EIF2B3: variants seen among roughly 807,000 people sequenced by gnomAD.
EIF2B3 encodes translation initiation factor eIF2B subunit gamma.
Under a neutral mutation model 54.1 loss-of-function variants are expected in EIF2B3, and 20 were observed. The observed-to-expected ratio is 0.37, with a 90% CI of 0.26 to 0.54. The LOEUF (loss-of-function observed/expected upper bound fraction) is 0.54. Among genes scored for constraint, EIF2B3 ranks in the 20% least tolerant of loss-of-function variants. The pLI is 0.86. For missense variants in EIF2B3, 448 were observed against 547.8 expected (o/e 0.82, Z 1.82); for synonymous variants, 153 against 188.1 (o/e 0.81, Z 1.52).
At chr1:44,960,521 C>T (rs427392) in intron 3 of EIF2B3, among the ~76,000 whole-genome samples, 28,522 of 151,890 alleles carry the variant, frequency 0.19, 2,831 homozygotes, top group African/African-American at 0.23. Context: ...CGCCTGTAGT[C>T]CCAGCTACTC....
intron 6 of EIF2B3, among the ~76,000 whole-genome samples, chr1:44,884,382 G>C (rs1016367518): frequency 4.6e-5 from 7 of 152,262 alleles, no homozygotes; most frequent in African/African-American, 1.7e-4. Context: ...AGCTCTGCAT[G>C]CTGACACAAA....
At chr1:44,859,486 C>T (rs1314444184) in intron 10 of EIF2B3, among the ~76,000 whole-genome samples, 6 of 151,844 alleles carry the variant, frequency 4.0e-5, no homozygotes, top group East Asian at 1.9e-4. Context: ...GGTGAAACCC[C>T]GCCTCTATTA....
intron 3 of EIF2B3, chr1:44,958,855 T>C: frequency 1.1e-6 from 1 of 918,616 alleles, no homozygotes; most frequent in Non-Finnish European, 1.8e-6. Flanking sequence ...ACATATCAGG[T>C]ACATCAGGAA....
intron 5 of EIF2B3, among the ~76,000 whole-genome samples, chr1:44,923,787 C>T (rs548284911): frequency 6.6e-6 from 1 of 151,718 alleles, no homozygotes; most frequent in Non-Finnish European, 1.5e-5. Flanking sequence ...CTCCCTCCCT[C>T]CTTCTCTTTC....
intron 5 of EIF2B3, 65 bp downstream of exon 5, chr1:44,926,563 A>T: frequency 2.4e-6 from 3 of 1,265,812 alleles, no homozygotes; most frequent in Non-Finnish European, 3.5e-6. Context: ...TTTCCCATCC[A>T]CTGGGTGGTT....
intron 3 of EIF2B3, 143 bp downstream of exon 3, chr1:44,978,172 A>C (rs1644472011): frequency 1.1e-6 from 1 of 882,352 alleles, no homozygotes; most frequent in African/African-American, 1.7e-5. Flanking sequence ...TGGAGGTTGC[A>C]GTGAATTGAG....
intron 5 of EIF2B3, among the ~76,000 whole-genome samples, chr1:44,907,669 G>T (rs1297308962): frequency 1.3e-5 from 2 of 152,122 alleles, no homozygotes; most frequent in Non-Finnish European, 2.9e-5. Context: ...GGGAGGCTGA[G>T]GTGGGGGGAT....
chr1:44,981,942 C>CAAAAAAAAAA, intron 1 of EIF2B3, among the ~76,000 whole-genome samples: 1 of 78,986 alleles, frequency 1.3e-5, no homozygotes, highest in East Asian at 3.2e-4. Flanking sequence ...GATCCTGTCT[C>CAAAAAAAAAA]AAAAAAAAAA....
chr1:44,941,311 A>G (rs576125590), intron 4 of EIF2B3, among the ~76,000 whole-genome samples, 195 bp downstream of exon 4: 51 of 152,376 alleles, frequency 3.3e-4, no homozygotes, highest in African/African-American at 1.1e-3. Context: ...ACAAAAGGAC[A>G]TTAAAGAATC....
At chr1:44,876,946 T>A (rs1018437068) in intron 8 of EIF2B3, among the ~76,000 whole-genome samples, 116 of 144,290 alleles carry the variant, frequency 8.0e-4, no homozygotes, top group East Asian at 6.4e-3. Context: ...CAGGGTTAAA[T>A]GGATTAAGGG....
chr1:44,877,168 C>G (rs1479957655), intron 8 of EIF2B3, among the ~76,000 whole-genome samples: 5 of 115,256 alleles, frequency 4.3e-5, no homozygotes, highest in Non-Finnish European at 6.8e-5. Context: ...TCCCCCTCTG[C>G]GAGAAACACC....
At chr1:44,852,506 G>A (rs575013260) in intron 11 of EIF2B3, among the ~76,000 whole-genome samples, 6 of 152,188 alleles carry the variant, frequency 3.9e-5, no homozygotes, top group South Asian at 2.1e-4. Context: ...GGCGCTGGGC[G>A]CGGTGGCTCA....
At chr1:44,930,856 G>A (rs1241243069) in intron 4 of EIF2B3, among the ~76,000 whole-genome samples, 3 of 152,182 alleles carry the variant, frequency 2.0e-5, no homozygotes, top group Non-Finnish European at 2.9e-5. Flanking sequence ...GGCCAGGCTG[G>A]TCTCGAACTC....
intron 10 of EIF2B3, among the ~76,000 whole-genome samples, chr1:44,860,808 G>A (rs1654590702): frequency 6.6e-6 from 1 of 152,266 alleles, no homozygotes; most frequent in Admixed American, 6.5e-5. Flanking sequence ...GGAGGATAGA[G>A]AGGGTGTAAG....
rs1171020644 is a variant in EIF2B3 at position 44,951,954 on chromosome 1, ATTTTTTTTT to A, written c.295-10298_295-10290del. ...AGGGGCGCACCACCATGCCTGGCTA[ATTTTTTTTT>A]TTTTTTTTTTTTTTTTTGAGACGGA... On this transcript the variant is annotated intron_variant, in intron 3 of 11. Coordinates refer to ENST00000360403, the MANE Select transcript of EIF2B3 (RefSeq NM_020365.5). 7.4e-4 allele frequency among the ~76,000 whole-genome samples: 33 copies of A among 44,654 alleles called. 1 individual carries two copies. The highest frequency in any genetic ancestry group is 9.5e-4 in the African/African-American group (7 of 7,340). The allele number at this position is 44,654 out of a possible 152,430, so 29.3% of individuals were successfully genotyped here. A position where few individuals can be genotyped will look rare whatever the true frequency, so the allele number is the denominator to read the frequency against.
chr1:44,887,963 T>G (rs2148909451), intron 6 of EIF2B3, among the ~76,000 whole-genome samples: 1 of 152,354 alleles, frequency 6.6e-6, no homozygotes, highest in South Asian at 2.1e-4. Flanking sequence ...TTAGATTTAC[T>G]AATCTTTTAG....
intron 3 of EIF2B3, among the ~76,000 whole-genome samples, chr1:44,943,550 G>C (rs988359843): frequency 6.6e-6 from 1 of 151,732 alleles, no homozygotes; most frequent in Non-Finnish European, 1.5e-5. Flanking sequence ...CTCCCTAGTA[G>C]CTGGGACTAC....
chr1:44,963,891 G>A (rs1298741204), intron 3 of EIF2B3, among the ~76,000 whole-genome samples: 2 of 152,084 alleles, frequency 1.3e-5, no homozygotes, highest in Non-Finnish European at 2.9e-5. Flanking sequence ...TTCATCCCCT[G>A]ACAGGGTCCT....
intron 3 of EIF2B3, among the ~76,000 whole-genome samples, chr1:44,948,131 C>T (rs1346997686): frequency 6.6e-6 from 1 of 152,228 alleles, no homozygotes; most frequent in African/African-American, 2.4e-5. Context: ...CCAACTGCCA[C>T]ATTGTTTTCA....
Sources: allele counts gnomAD v4.1 joint callset (sites outside exome capture counted in the v4.1 genomes callset), GRCh38; gene constraint gnomAD v4.1.1; transcripts MANE v1.5; gene names NCBI Gene and HGNC (gene_info 2026-07-23, HGNC 2026-07-21).